The following TASP1 variants were observed in gnomAD, a reference collection of about 807,000 sequenced individuals.
TASP1 encodes taspase 1, also known as threonine aspartase 1.
TASP1 carries 16 observed loss-of-function variants against 56.6 expected under a neutral mutation model. That is an observed-to-expected ratio of 0.28 (90% confidence interval 0.19 to 0.43). The LOEUF (loss-of-function observed/expected upper bound fraction) is 0.43. Among genes scored for constraint, TASP1 ranks in the 20% least tolerant of loss-of-function variants. The pLI, the probability that TASP1 is intolerant of heterozygous loss-of-function variation, is 1.00. For missense variants in TASP1, 393 were observed against 511.6 expected, an observed-to-expected ratio of 0.77 and a Z score of 2.24; for synonymous variants, 179 against 184.2, an observed-to-expected ratio of 0.97 and a Z score of 0.23.
At chr20:13,571,510 A>C (rs1169087827) in intron 6 of TASP1, among the ~76,000 whole-genome samples, 1 of 152,170 alleles carries the variant, frequency 6.6e-6, no homozygotes, top group African/African-American at 2.4e-5. Context: ...GAATCTGACC[A>C]CTTCTCACCA....
chr20:13,131,391 T>C, the TASP1 span, among the ~76,000 whole-genome samples: 1 of 152,186 alleles, frequency 6.6e-6, no homozygotes. Flanking sequence ...CTCTTGGCCT[T>C]AGTTCCTTCA....
the TASP1 span, among the ~76,000 whole-genome samples, chr20:13,318,160 T>TAAATAAATAAATAAATAAATAAAA: frequency 5.3e-3 from 806 of 151,220 alleles, 2 homozygotes; most frequent in Non-Finnish European, 7.5e-3. Flanking sequence ...AATAAATAAA[T>TAAATAAATAAATAAATAAATAAAA]AAAAATGAGC....
At chr20:13,612,701 A>G (rs1291846153) in intron 4 of TASP1, among the ~76,000 whole-genome samples, 1 of 152,168 alleles carries the variant, frequency 6.6e-6, no homozygotes, top group Non-Finnish European at 1.5e-5. Flanking sequence ...CACTATGAAC[A>G]TTAACGACTT....
the TASP1 span, among the ~76,000 whole-genome samples, chr20:13,174,963 C>A: frequency 6.6e-6 from 1 of 152,116 alleles, no homozygotes; most frequent in African/African-American, 2.4e-5. Flanking sequence ...TTTATAAATG[C>A]AAATTCCCCT....
chr20:13,514,804 T>C (rs2044462894), intron 10 of TASP1, among the ~76,000 whole-genome samples: 1 of 152,180 alleles, frequency 6.6e-6, no homozygotes, highest in Non-Finnish European at 1.5e-5. Context: ...CAAAACATTC[T>C]GAAAATAAAA....
At chr20:13,436,880 G>A (rs929424845) in intron 11 of TASP1, among the ~76,000 whole-genome samples, 5 of 152,082 alleles carry the variant, frequency 3.3e-5, no homozygotes, top group South Asian at 2.1e-4. Context: ...TCGGCTTAGC[G>A]TTTAACTATT....
chr20:13,542,156 T>C (rs1214081891), intron 8 of TASP1, among the ~76,000 whole-genome samples: 1 of 151,648 alleles, frequency 6.6e-6, no homozygotes, highest in Admixed American at 6.6e-5. Context: ...AAAGCATAAG[T>C]ATATGGAAAA....
chr20:13,581,436 G>C (rs1462139397), intron 5 of TASP1, among the ~76,000 whole-genome samples: 1 of 152,112 alleles, frequency 6.6e-6, no homozygotes, highest in Non-Finnish European at 1.5e-5. Context: ...ATTGACCTTG[G>C]AGAGAAAAAT....
intron 4 of TASP1, among the ~76,000 whole-genome samples, chr20:13,608,234 T>C (rs1355329418): frequency 6.6e-6 from 1 of 152,240 alleles, no homozygotes; most frequent in Non-Finnish European, 1.5e-5. Flanking sequence ...AACATCAGTT[T>C]TCATTTACAG....
the TASP1 span, chr20:13,221,767 T>C: frequency 7.0e-7 from 1 of 1,434,792 alleles, no homozygotes; most frequent in African/African-American, 1.5e-5. Flanking sequence ...AAGCCGCGCG[T>C]CTCAAAAGGA....
chr20:13,614,026 G>A (rs1338967868), intron 4 of TASP1, among the ~76,000 whole-genome samples: 1 of 152,098 alleles, frequency 6.6e-6, no homozygotes, highest in Admixed American at 6.5e-5. Flanking sequence ...CATATTTACA[G>A]ATGCACTGGC....
the TASP1 span, among the ~76,000 whole-genome samples, chr20:13,145,627 G>GA: frequency 6.0e-5 from 9 of 150,000 alleles, no homozygotes; most frequent in East Asian, 1.9e-4. Context: ...TACAAAACTA[G>GA]AAAAAAAAAG....
the TASP1 span, among the ~76,000 whole-genome samples, chr20:13,227,406 T>C: frequency 6.6e-6 from 1 of 151,780 alleles, no homozygotes; most frequent in African/African-American, 2.4e-5. Flanking sequence ...GGTTTCACCG[T>C]GTTAGCTAGG....
intron 10 of TASP1, among the ~76,000 whole-genome samples, chr20:13,516,791 A>G (rs1420803871): frequency 1.1e-4 from 16 of 152,042 alleles, no homozygotes. Context: ...TTAAAACATC[A>G]AAAGTGCATC....
At chr20:13,343,548 C>A in the TASP1 span, among the ~76,000 whole-genome samples, 2 of 151,550 alleles carry the variant, frequency 1.3e-5, no homozygotes, top group Non-Finnish European at 2.9e-5. Context: ...CGCTTCCAGG[C>A]GGCTGGATGG....
Position 13,569,563 on chromosome 20 carries a change from T to C in TASP1, c.512A>G (p.Tyr171Cys). ...TATTCCATGATCTACTGCCCATCTG[T>C]AGGCTCCTTCTCCAACTAAAAAGCT... is the stretch of plus-strand genomic sequence containing the variant. Reference protein sequence around the residue: ...PPCFLVGEGAYRWAVDHGIPS... With the variant: ...PPCFLVGEGACRWAVDHGIPS... The change falls in exon 7 of 14, where the codon TAC becomes TGC. Residue 171 changes from tyrosine (Y) to cysteine (C), a missense_variant. Transcript: ENST00000337743. 6.2e-7 allele frequency: 1 copy of C among 1,612,532 alleles called. No homozygotes were observed. Among genetic ancestry groups the C allele is most frequent in the Non-Finnish European group, 8.5e-7 (1 of 1,179,438 alleles).
the TASP1 span, among the ~76,000 whole-genome samples, chr20:13,129,345 G>A: frequency 1.3e-5 from 2 of 152,176 alleles, no homozygotes; most frequent in Admixed American, 6.5e-5. Flanking sequence ...GCGAGATAGA[G>A]TGGCATCTTT....
chr20:13,125,774 T>C, the TASP1 span, among the ~76,000 whole-genome samples: 64 of 152,314 alleles, frequency 4.2e-4, 1 homozygote, highest in East Asian at 9.8e-3. Context: ...TCAAGGCATT[T>C]TGAGGCATAG....
chr20:13,141,697 G>A, the TASP1 span, among the ~76,000 whole-genome samples: 2 of 152,194 alleles, frequency 1.3e-5, no homozygotes, highest in Admixed American at 6.5e-5. Flanking sequence ...TGGAGAGACC[G>A]AAAGAGGCTG....
Sources: allele counts gnomAD v4.1 joint callset (sites outside exome capture counted in the v4.1 genomes callset), GRCh38; gene constraint gnomAD v4.1.1; transcripts MANE v1.5; gene names NCBI Gene and HGNC (gene_info 2026-07-23, HGNC 2026-07-21).